Variants in MS4A12 observed in about 807,000 individuals in gnomAD.
The protein encoded by MS4A12 is membrane-spanning 4-domains subfamily A member 12.
Under a neutral mutation model 23.7 loss-of-function variants are expected in MS4A12, and 28 were observed. The ratio of observed to expected loss-of-function variants is 1.18; its 90% CI spans 0.88 to 1.62. The LOEUF is 1.62. Among genes scored for constraint, MS4A12 ranks in the 40% most tolerant of loss-of-function variants. The probability of loss-of-function intolerance (pLI) is 0.00; values close to 1 mark genes in which losing one functional copy is unlikely to be tolerated. For missense variants in MS4A12, 342 were observed against 327.0 expected (o/e 1.05, Z -0.35); for synonymous variants, 108 against 110.1 (o/e 0.98, Z 0.12).
chr11:60,502,861 G>T (rs953089577), intron 4 of MS4A12, among the ~76,000 whole-genome samples: 1 of 152,136 alleles, frequency 6.6e-6, no homozygotes, highest in East Asian at 1.9e-4. Flanking sequence ...ACAAAATAAA[G>T]CACCCTTTCT....
At position 60,507,274 on chromosome 11, in the gene MS4A12, G is replaced by C; in HGVS notation, c.*150G>C. The C allele has an allele frequency of 3.1e-6, 2 of 637,454 alleles. No homozygotes were observed. Among genetic ancestry groups the C allele is most frequent in the Admixed American group, 5.4e-5 (2 of 37,096 alleles). The allele number at this position is 637,454 out of a possible 1,614,324, so 39.5% of individuals were successfully genotyped here. A position where few individuals can be genotyped will look rare whatever the true frequency, so the allele number is the denominator to read the frequency against. On this transcript the variant is annotated 3_prime_UTR_variant, in exon 7 of 7. Coordinates refer to ENST00000016913, the MANE Select transcript of MS4A12 (RefSeq NM_017716.3). ...TTTAGGTTGGTCGCTAATGATGGCT[G>C]TATCTCCCTTCACTGTCTCTTCCTA...
At chr11:60,494,475 T>C (rs576716074) in intron 1 of MS4A12, among the ~76,000 whole-genome samples, 1 of 152,348 alleles carries the variant, frequency 6.6e-6, no homozygotes, top group South Asian at 2.1e-4. Flanking sequence ...AAAAAAATTC[T>C]TGTTCTGGTT....
chr11:60,506,892 A>G (rs1590864783), intron 6 of MS4A12, 54 bp downstream of exon 6: 1 of 1,560,716 alleles, frequency 6.4e-7, no homozygotes, highest in East Asian at 2.2e-5. Context: ...GGAGAAATAC[A>G]GACTTGTGTC....
rs1163741152 is a variant in MS4A12 at position 60,497,364 on chromosome 11, A to T, written c.46A>T (p.Ile16Leu). The T allele has an allele frequency of 6.2e-7, 1 of 1,614,214 alleles. No homozygotes were observed. The highest frequency in any genetic ancestry group is 1.1e-5 in the South Asian group (1 of 91,084). Reference sequence around the variant, plus strand: ...AAGCCATGCTGAAGTAAATGAAACCATACCCAACCCTTACCCACCAAGCAG... The same window carrying T: ...AAGCCATGCTGAAGTAAATGAAACCTTACCCAACCCTTACCCACCAAGCAG... ...PTSHAEVNETIPNPYPPSSFM... is the reference protein window; with the variant it reads ...PTSHAEVNETLPNPYPPSSFM... The change falls in exon 2 of 7, where the codon ATA (isoleucine) becomes TTA (leucine). Residue 16 changes from isoleucine to leucine, a missense_variant. Ile to Leu is a conservative substitution (Grantham distance 5). Transcript: ENST00000016913.
intron 3 of MS4A12, among the ~76,000 whole-genome samples, chr11:60,501,695 T>C (rs566772846): frequency 1.3e-5 from 2 of 152,174 alleles, no homozygotes; most frequent in East Asian, 3.9e-4. Context: ...AAAAAATTTT[T>C]TAATTAAAAA....
At chr11:60,499,397 G>A (rs964335125) in intron 2 of MS4A12, among the ~76,000 whole-genome samples, 1 of 152,230 alleles carries the variant, frequency 6.6e-6, no homozygotes, top group South Asian at 2.1e-4. Context: ...CCCTCATCAA[G>A]GTGACAGCAA....
At chr11:60,500,539 T>C (rs570644271) in intron 2 of MS4A12, among the ~76,000 whole-genome samples, 1 of 152,258 alleles carries the variant, frequency 6.6e-6, no homozygotes, top group South Asian at 2.1e-4. Flanking sequence ...TGGGACTCAA[T>C]CCAGTTGTAG....
rs766426334 is a variant in MS4A12, at chr11:60,506,804, A to AT, written c.669dup (p.Ala224CysfsTer20). ...TTCTTCGTAGCTTGTGCCACAGCCC[A>AT]TTTTGCCAACCAAGCAAACACCACA... On this transcript the variant is annotated frameshift_variant, in exon 6 of 7. Coordinates refer to ENST00000016913, the MANE Select transcript of MS4A12 (RefSeq NM_017716.3). LOFTEE classifies it low-confidence loss of function (END_TRUNC). 1 of 1,614,054 alleles carries AT rather than the reference A, an allele frequency of 6.2e-7. No homozygotes were observed. Among genetic ancestry groups the AT allele is most frequent in the African/African-American group, 1.3e-5 (1 of 74,922 alleles).
In MS4A12 at chr11:60,497,483, A is replaced by G. The variant is rs143911504; in HGVS notation, c.165A>G (p.Thr55=). ...AGCGTGCTCAGCCCTACGGCATCAC[A>G]TCTCCGGGAATCTTTGCTAGCAGTC... ...GAQRAQPYGI[T]SPGIFASSQP... is the part of the protein sequence containing the mutation. Residue 55 remains threonine, a synonymous_variant, in exon 2 of 7, where the codon ACA becomes ACG. Transcript: ENST00000016913. 2.8e-4 allele frequency: 460 copies of G among 1,614,186 alleles called. 2 individuals are homozygous for G. Among genetic ancestry groups the G allele is most frequent in the Middle Eastern group, 2.8e-3 (17 of 6,062 alleles).
intron 4 of MS4A12, among the ~76,000 whole-genome samples, chr11:60,502,283 AG>A (rs1422200088): frequency 2.0e-5 from 3 of 152,220 alleles, no homozygotes; most frequent in Non-Finnish European, 2.9e-5. Flanking sequence ...AGTAAAAATC[AG>A]GGTTGTTTAA....
At position 60,497,450 on chromosome 11, in the gene MS4A12, G is replaced by A; in HGVS notation, c.132G>A (p.Gln44=). The change falls in exon 2 of 7, where the codon CAG becomes CAA. Residue 44 remains glutamine, a synonymous_variant. Coordinates refer to ENST00000016913, the MANE Select transcript of MS4A12 (RefSeq NM_017716.3). ...LGSINLENQA[Q]GAQRAQPYGI... ...CAATCAACTTAGAAAACCAAGCTCA[G>A]GGTGCTCAGCGTGCTCAGCCCTACG... 6.2e-7 allele frequency: 1 copy of A among 1,614,176 alleles called. No individual in the cohort carries two copies. Among genetic ancestry groups the A allele is most frequent in the Non-Finnish European group, 8.5e-7 (1 of 1,180,036 alleles).
rs117051707 is a variant in MS4A12 at position 60,499,895 on chromosome 11, G to A, written c.277-1150G>A. Among the ~76,000 whole-genome samples, 499 of 152,284 alleles carry A rather than the reference G, an allele frequency of 3.3e-3. 4 individuals carry two copies. The highest frequency in any genetic ancestry group is 0.016 in the South Asian group (78 of 4,824). ...CAATAAGAGGTACAAGGAGGTAAAAGATGTATACCTTACTTTTAGTAATAT... is the reference window on the plus strand; with the variant it reads ...CAATAAGAGGTACAAGGAGGTAAAAAATGTATACCTTACTTTTAGTAATAT... On this transcript the variant is annotated intron_variant, in intron 2 of 6. Transcript: ENST00000016913.
chr11:60,499,276 TTGTA>T (rs2135229759), intron 2 of MS4A12, among the ~76,000 whole-genome samples: 1 of 152,200 alleles, frequency 6.6e-6, no homozygotes, highest in South Asian at 2.1e-4. Context: ...TGCAGACAAA[TTGTA>T]TGTCCAAATT....
intron 5 of MS4A12, among the ~76,000 whole-genome samples, chr11:60,504,938 C>G (rs2086559284): frequency 2.0e-5 from 3 of 152,158 alleles, no homozygotes. Context: ...TTCCACCAAG[C>G]TCTGAGACAA....
Position 60,497,295 on chromosome 11 carries a change from A to G in MS4A12, c.-6-18A>G. ...TTCTGGATAAACGTATCACTTTTGT[A>G]TGTTTTGTGATACTTAGGACATAAT... is the stretch of plus-strand genomic sequence containing the variant. On this transcript the variant is annotated intron_variant, in intron 1 of 6. Coordinates refer to ENST00000016913, the MANE Select transcript of MS4A12 (RefSeq NM_017716.3). 6.3e-7 allele frequency: 1 copy of G among 1,580,662 alleles called. No homozygotes were observed. The highest frequency in any genetic ancestry group is 8.6e-7 in the Non-Finnish European group (1 of 1,165,408).
At chr11:60,506,956 G>A (rs1264314491) in intron 6 of MS4A12, 64 bp from the exon 7 acceptor site, 3 of 1,532,008 alleles carry the variant, frequency 2.0e-6, no homozygotes, top group East Asian at 4.5e-5. Context: ...CACTCTGATG[G>A]TACCAGGGGA....
At chr11:60,506,967 A>G (rs891713472) in intron 6 of MS4A12, 53 bp from the exon 7 acceptor site, 60 of 1,548,470 alleles carry the variant, frequency 3.9e-5, no homozygotes, top group Non-Finnish European at 5.2e-5. Flanking sequence ...TACCAGGGGA[A>G]ATTGCATAGG....
At chr11:60,495,154 G>A (rs7951316) in intron 1 of MS4A12, among the ~76,000 whole-genome samples, 84,314 of 150,018 alleles carry the variant, frequency 0.56, 23,820 homozygotes, top group East Asian at 0.64. Context: ...CACTACACCC[G>A]GCTAATTTTT....
chr11:60,501,717 T>C (rs112093086), intron 3 of MS4A12, among the ~76,000 whole-genome samples: 8 of 152,192 alleles, frequency 5.3e-5, no homozygotes, highest in African/African-American at 1.9e-4. Context: ...ATGCAATTGA[T>C]TATGAGAAGG....
Sources: gnomAD v4.1 joint callset for allele counts (sites outside exome capture counted in the v4.1 genomes callset) on GRCh38, gnomAD v4.1.1 for gene constraint, MANE v1.5 for transcripts, NCBI Gene and HGNC (gene_info 2026-07-23, HGNC 2026-07-21) for gene names.